ERO1B: variants seen among roughly 807,000 people sequenced by gnomAD.
ERO1B encodes the protein ERO1-like protein beta.
A neutral mutation model predicts 75.3 loss-of-function variants in ERO1B; 49 were observed. The ratio of observed to expected loss-of-function variants is 0.65; its 90% confidence interval spans 0.52 to 0.83. The LOEUF is 0.83. Ranked by LOEUF, ERO1B falls within the 40% of genes least tolerant of loss-of-function variation. The probability of loss-of-function intolerance (pLI) is 0.00; values close to 1 mark genes in which losing one functional copy is unlikely to be tolerated. For synonymous variants in ERO1B, 191 were observed against 192.9 expected (o/e 0.99, Z 0.08); for missense variants, 512 against 560.1 (o/e 0.91, Z 0.87).
chr1:236,254,725 G>C (rs1160651549), intron 2 of ERO1B, among the ~76,000 whole-genome samples: 1 of 151,354 alleles, frequency 6.6e-6, no homozygotes, highest in African/African-American at 2.4e-5. Flanking sequence ...TGATTCTCCT[G>C]CCTCAGCCCC....
Position 236,253,502 on chromosome 1 carries a change from T to A in ERO1B, c.226A>T (p.Asn76Tyr). 6.2e-7 allele frequency: 1 copy of A among 1,602,274 alleles called. No individual in the cohort carries two copies. ...CAGAAAGGACAAGGTCGCTTCAGAT[T>A]AACCTTGAAAGAAAGAACAAAGTTA... ...ERDYFRYYKV[N>Y]LKRPCPFWAE... Residue 76 changes from asparagine (N) to tyrosine (Y), a missense_variant, in exon 3 of 16, where the codon AAT becomes TAT. Physicochemically the swap from Asn to Tyr is moderately radical, Grantham distance 143 (BLOSUM62 -2). Transcript: ENST00000354619.
intron 5 of ERO1B, among the ~76,000 whole-genome samples, chr1:236,249,180 C>A (rs1664956646): frequency 6.6e-6 from 1 of 152,010 alleles, no homozygotes; most frequent in South Asian, 2.1e-4. Context: ...CACCCGCCAC[C>A]ACACCCGGCT....
At chr1:236,238,714 ATATATAT>A (rs1482012429) in intron 6 of ERO1B, among the ~76,000 whole-genome samples, 3 of 150,916 alleles carry the variant, frequency 2.0e-5, no homozygotes, top group Non-Finnish European at 2.9e-5. Flanking sequence ...TCTCTGACAC[ATATATAT>A]TATATATTTA....
intron 10 of ERO1B, among the ~76,000 whole-genome samples, chr1:236,227,922 G>C (rs1394402243): frequency 6.6e-6 from 1 of 152,148 alleles, no homozygotes; most frequent in Non-Finnish European, 1.5e-5. Context: ...CTCCCTAAAA[G>C]TATATGACAA....
rs1664539181 is a variant in ERO1B, at chr1:236,236,199, T to C, written c.626+79A>G. 5.1e-6 allele frequency: 8 copies of C among 1,572,618 alleles called. No homozygotes were observed. The East Asian group carries it at 1.8e-4, about 36-fold the overall frequency. On this transcript the variant is annotated intron_variant, in intron 7 of 15. Coordinates refer to ENST00000354619, the MANE Select transcript of ERO1B (RefSeq NM_019891.4). ...ACCTTGGCCTCCCAAAGTGCTGGGA[T>C]TACAGGCGTGAGCCACAGCACCCGG... is the stretch of plus-strand genomic sequence containing the variant.
At chr1:236,235,917 T>TC (rs1572039151) in intron 7 of ERO1B, 82 bp from the exon 8 acceptor site, 1 of 1,210,652 alleles carries the variant, frequency 8.3e-7, no homozygotes, top group East Asian at 2.5e-5. Context: ...AAACAAATAC[T>TC]CCCCTCCCCA....
intron 6 of ERO1B, among the ~76,000 whole-genome samples, chr1:236,242,035 T>G (rs1664718715): frequency 6.7e-6 from 1 of 148,950 alleles, no homozygotes. Flanking sequence ...GCCACTGCAC[T>G]CCAGCCTGGG....
chr1:236,274,351 TATC>T (rs1665664621), intron 1 of ERO1B, among the ~76,000 whole-genome samples: 1 of 150,318 alleles, frequency 6.7e-6, no homozygotes, highest in South Asian at 2.1e-4. Context: ...CATGAAAGAT[TATC>T]TTTTTTCTTA....
chr1:236,259,665 G>C (rs962553498), intron 2 of ERO1B, among the ~76,000 whole-genome samples: 13 of 151,524 alleles, frequency 8.6e-5, no homozygotes, highest in African/African-American at 2.9e-4. Context: ...ATGATAAGGG[G>C]GTCAATTTAT....
intron 5 of ERO1B, among the ~76,000 whole-genome samples, chr1:236,246,663 A>G (rs1049413469): frequency 1.3e-5 from 2 of 152,238 alleles, no homozygotes; most frequent in African/African-American, 4.8e-5. Context: ...AATATGTTCT[A>G]TATCATTCTA....
intron 2 of ERO1B, among the ~76,000 whole-genome samples, chr1:236,256,602 A>C (rs1665166666): frequency 6.6e-6 from 1 of 152,210 alleles, no homozygotes; most frequent in Non-Finnish European, 1.5e-5. Context: ...ATGCTTCAGT[A>C]ATAGCTTCAG....
intron 1 of ERO1B, among the ~76,000 whole-genome samples, chr1:236,275,691 T>G (rs962576878): frequency 6.6e-6 from 1 of 152,162 alleles, no homozygotes; most frequent in Admixed American, 6.5e-5. Flanking sequence ...AGGCTATCTA[T>G]GTAGGGTCCC....
intron 9 of ERO1B, among the ~76,000 whole-genome samples, chr1:236,231,247 G>A (rs1428249809): frequency 6.6e-6 from 1 of 152,124 alleles, no homozygotes; most frequent in East Asian, 1.9e-4. Context: ...TGACTAATCT[G>A]TGTACTAATG....
chr1:236,241,117 C>T (rs1171113799), intron 6 of ERO1B, among the ~76,000 whole-genome samples: 6 of 152,154 alleles, frequency 3.9e-5, no homozygotes, highest in Non-Finnish European at 7.4e-5. Context: ...TTATCAACAG[C>T]AAAACAGCAG....
In ERO1B at chr1:236,245,096, C is replaced by T. The variant is rs144855868; in HGVS notation, c.432-1601G>A. Among the ~76,000 whole-genome samples, 74 of 150,898 alleles carry T rather than the reference C, an allele frequency of 4.9e-4. 2 individuals carry two copies. In the East Asian group the frequency reaches 7.6e-3, roughly 15 times the overall value. ...CTTGACCTTCTGGGATCAAGTGATC[C>T]TTCTATCCTCAGCCTCCCAAGTAGC... On this transcript the variant is annotated intron_variant, in intron 5 of 15. Transcript: ENST00000354619.
rs375433204 is a variant in ERO1B, at chr1:236,217,513, G to A, written c.*1003C>T. On this transcript the variant is annotated 3_prime_UTR_variant, in exon 16 of 16. Transcript: ENST00000354619. ...TGTCAGGGAAAAGCACACTGAGTTC[G>A]AGGATTGCATAGATTGTATTCTAAA... 3.3e-5 allele frequency: 5 copies of A among 152,516 alleles called. No individual in the cohort carries two copies. Among genetic ancestry groups the A allele is most frequent in the East Asian group, 3.8e-4 (2 of 5,204 alleles). 9.4% of individuals were successfully genotyped at this position (152,516 alleles called of 1,614,324 possible).
In ERO1B at chr1:236,249,895, T is replaced by C. The variant is rs1266623984; in HGVS notation, c.421A>G (p.Ser141Gly). ...EQANKLGAIN[S>G]TLSNQSKEAF... is the part of the protein sequence containing the mutation. ...CAAAATAAAACTTGCCTTAATGTGCTGTTAATTGCTCCCAGTTTATTAGCT... is the reference window on the plus strand; with the variant it reads ...CAAAATAAAACTTGCCTTAATGTGCCGTTAATTGCTCCCAGTTTATTAGCT... Residue 141 changes from serine (S) to glycine (G), a missense_variant, in exon 5 of 16, where the codon AGC becomes GGC. By Grantham distance (56) the Ser-to-Gly change is moderately conservative. Coordinates refer to ENST00000354619, the MANE Select transcript of ERO1B (RefSeq NM_019891.4). 2 of 1,590,334 alleles carry C rather than the reference T, an allele frequency of 1.3e-6. No homozygotes were observed.
intron 8 of ERO1B, among the ~76,000 whole-genome samples, chr1:236,234,236 C>T (rs1040341752): frequency 6.6e-6 from 1 of 152,126 alleles, no homozygotes; most frequent in East Asian, 1.9e-4. Context: ...CTCTTCCCTT[C>T]CTCTTTTTCT....
At chr1:236,219,124 A>G (rs1473703997) in intron 15 of ERO1B, among the ~76,000 whole-genome samples, 1 of 152,244 alleles carries the variant, frequency 6.6e-6, no homozygotes. Context: ...TAAAAGCTCA[A>G]GTATCCCTAT....
Sources: allele counts gnomAD v4.1 joint callset (sites outside exome capture counted in the v4.1 genomes callset), GRCh38; gene constraint gnomAD v4.1.1; transcripts MANE v1.5; gene names NCBI Gene and HGNC (gene_info 2026-07-23, HGNC 2026-07-21).